Variants in PPP2R2C observed in about 807,000 individuals in gnomAD.
PPP2R2C encodes protein phosphatase 2 regulatory subunit Bgamma, also known as protein phosphatase 2, regulatory subunit B, gamma.
A neutral mutation model predicts 45.3 loss-of-function variants in PPP2R2C; 10 were observed. The observed-to-expected ratio is 0.22, with a 90% CI of 0.14 to 0.37. The LOEUF (loss-of-function observed/expected upper bound fraction) is 0.37. Among genes scored for constraint, PPP2R2C ranks in the 10% least tolerant of loss-of-function variants. The pLI is 1.00. For synonymous variants in PPP2R2C, 257 were observed against 245.4 expected (o/e 1.05, Z -0.44); for missense variants, 308 against 619.7 (o/e 0.50, Z 5.34).
At chr4:6,350,264 T>A (rs1712418624) in intron 5 of PPP2R2C, 1 of 985,370 alleles carries the variant, frequency 1.0e-6, no homozygotes, top group South Asian at 4.7e-5. Context: ...CCAGGCCGAA[T>A]GCCTCCCATG....
chr4:6,426,426 C>A (rs1719336783), intron 1 of PPP2R2C, among the ~76,000 whole-genome samples: 1 of 152,214 alleles, frequency 6.6e-6, no homozygotes, highest in Non-Finnish European at 1.5e-5. Context: ...TGGAGAGAAA[C>A]TTGCCCTCCT....
intron 1 of PPP2R2C, among the ~76,000 whole-genome samples, chr4:6,460,575 C>G (rs903952532): frequency 9.2e-5 from 14 of 152,034 alleles, no homozygotes; most frequent in Non-Finnish European, 1.5e-5. Context: ...TTAAAGATTA[C>G]AAAATAGGAT....
intron 1 of PPP2R2C, among the ~76,000 whole-genome samples, chr4:6,403,424 G>A (rs539177539): frequency 2.0e-5 from 3 of 152,250 alleles, no homozygotes; most frequent in South Asian, 2.1e-4. Flanking sequence ...AACCGAAATC[G>A]CACTTCAATC....
At chr4:6,409,450 G>A (rs527975004) in intron 1 of PPP2R2C, among the ~76,000 whole-genome samples, 12 of 152,284 alleles carry the variant, frequency 7.9e-5, no homozygotes, top group East Asian at 1.9e-4. Context: ...AGCATGGAGC[G>A]GAGGAACCGA....
At chr4:6,501,046 G>A (rs941311070) in intron 2 of PPP2R2C, among the ~76,000 whole-genome samples, 1 of 152,220 alleles carries the variant, frequency 6.6e-6, no homozygotes, top group Non-Finnish European at 1.5e-5. Context: ...GCAACTCTGG[G>A]GGAAGAGAGA....
intron 6 of PPP2R2C, among the ~76,000 whole-genome samples, chr4:6,339,266 G>C (rs541459109): frequency 6.6e-6 from 1 of 152,328 alleles, no homozygotes; most frequent in South Asian, 2.1e-4. Flanking sequence ...TGGGCCAGGG[G>C]TCCTGCCTTG....
chr4:6,348,456 G>A (rs547651913), intron 5 of PPP2R2C, among the ~76,000 whole-genome samples: 8 of 152,018 alleles, frequency 5.3e-5, no homozygotes, highest in Non-Finnish European at 8.8e-5. Context: ...AAGTCTTCCC[G>A]GTCCCTTTTC....
At chr4:6,444,768 G>A (rs959175063) in intron 1 of PPP2R2C, among the ~76,000 whole-genome samples, 19 of 152,346 alleles carry the variant, frequency 1.2e-4, no homozygotes, top group Admixed American at 2.0e-4. Context: ...TCTACTCTCA[G>A]CAGTTTTCAC....
chr4:6,477,806 G>C (rs1282366618), intron 2 of PPP2R2C, among the ~76,000 whole-genome samples: 11 of 146,980 alleles, frequency 7.5e-5, no homozygotes, highest in African/African-American at 2.7e-4. Context: ...GAGTCATCCC[G>C]ACTCCCACGC....
chr4:6,541,882 T>C (rs1724812419), intron 1 of PPP2R2C, among the ~76,000 whole-genome samples: 1 of 152,204 alleles, frequency 6.6e-6, no homozygotes, highest in African/African-American at 2.4e-5. Flanking sequence ...CCAAGTGGAA[T>C]CCCTGAGAAG....
At chr4:6,537,280 C>G (rs1577246280) in intron 1 of PPP2R2C, among the ~76,000 whole-genome samples, 1 of 152,010 alleles carries the variant, frequency 6.6e-6, no homozygotes, top group African/African-American at 2.4e-5. Flanking sequence ...AAAGGACACA[C>G]ACATAAATGC....
At chr4:6,379,299 G>A (rs888020938) in intron 2 of PPP2R2C, among the ~76,000 whole-genome samples, 3 of 152,146 alleles carry the variant, frequency 2.0e-5, no homozygotes, top group African/African-American at 7.2e-5. Context: ...CACTGTGTGC[G>A]CCAGGGACCA....
At chr4:6,465,521 A>T (rs1219108112) in intron 1 of PPP2R2C, among the ~76,000 whole-genome samples, 1 of 152,218 alleles carries the variant, frequency 6.6e-6, no homozygotes, top group African/African-American at 2.4e-5. Flanking sequence ...GGGCACAGGG[A>T]AAAATGAAAA....
intron 1 of PPP2R2C, among the ~76,000 whole-genome samples, chr4:6,419,627 TG>T (rs1305108629): frequency 6.6e-6 from 1 of 152,168 alleles, no homozygotes; most frequent in Admixed American, 6.5e-5. Flanking sequence ...GGGATGTGTC[TG>T]GGTATCAGTG....
Position 6,347,119 on chromosome 4 carries a change from G to A in PPP2R2C, c.790+727C>T, listed in dbSNP as rs189483882. On this transcript the variant is annotated intron_variant, in intron 6 of 8. Transcript: ENST00000382599. ...GTGCCAGGCAGCCCAGCTCTGCCAC[G>A]ATTGAATTTGGGTGACCTTGGGCCA... Among the ~76,000 whole-genome samples, 364 of 152,326 alleles carry A rather than the reference G, an allele frequency of 2.4e-3. 2 individuals carry two copies. The highest frequency in any genetic ancestry group is 8.1e-3 in the African/African-American group (336 of 41,568).
chr4:6,490,047 T>C (rs1560582070), intron 2 of PPP2R2C, among the ~76,000 whole-genome samples: 1 of 152,196 alleles, frequency 6.6e-6, no homozygotes, highest in Non-Finnish European at 1.5e-5. Context: ...CACATTGCTC[T>C]CTAGTGATCA....
At chr4:6,394,061 C>T (rs1038972729) in intron 1 of PPP2R2C, among the ~76,000 whole-genome samples, 4 of 152,236 alleles carry the variant, frequency 2.6e-5, no homozygotes, top group African/African-American at 4.8e-5. Flanking sequence ...GAAAGCCCCA[C>T]CCCCAGTCAC....
chr4:6,350,377 C>G (rs938303464), intron 5 of PPP2R2C: 1 of 985,432 alleles, frequency 1.0e-6, no homozygotes, highest in African/African-American at 1.7e-5. Context: ...TGAAATGTCA[C>G]GCACATTAGT....
At chr4:6,393,732 G>A (rs544198314) in intron 1 of PPP2R2C, among the ~76,000 whole-genome samples, 9 of 152,338 alleles carry the variant, frequency 5.9e-5, no homozygotes, top group South Asian at 4.1e-4. Context: ...GGGCCCGCCC[G>A]ATGGAGTGTC....
Sources: gnomAD v4.1 joint callset for allele counts (sites outside exome capture counted in the v4.1 genomes callset) on GRCh38, gnomAD v4.1.1 for gene constraint, MANE v1.5 for transcripts, NCBI Gene and HGNC (gene_info 2026-07-23, HGNC 2026-07-21) for gene names.